CAMK2B: variants seen among roughly 807,000 people sequenced by gnomAD.
CAMK2B encodes the protein calcium/calmodulin-dependent protein kinase type II subunit beta.
CAMK2B carries 27 observed loss-of-function variants against 93.7 expected under a neutral mutation model. The observed-to-expected ratio is 0.29, with a 90% confidence interval of 0.21 to 0.40. The LOEUF (loss-of-function observed/expected upper bound fraction) is 0.40. Among genes scored for constraint, CAMK2B ranks in the 10% least tolerant of loss-of-function variants. The pLI is 1.00. For missense variants in CAMK2B, 568 were observed against 895.8 expected, an observed-to-expected ratio of 0.63 and a Z score of 4.67; for synonymous variants, 374 against 358.8, an observed-to-expected ratio of 1.04 and a Z score of -0.48.
chr7:44,232,976 G>C, intron 15 of CAMK2B, 110 bp from the exon 16 acceptor site: 1 of 940,606 alleles, frequency 1.1e-6, no homozygotes, highest in Non-Finnish European at 1.7e-6. Flanking sequence ...TGGGTGGCCA[G>C]AGCCTGCGAG....
At chr7:44,297,695 T>C (rs1788661018) in intron 1 of CAMK2B, among the ~76,000 whole-genome samples, 1 of 152,012 alleles carries the variant, frequency 6.6e-6, no homozygotes, top group South Asian at 2.1e-4. Context: ...CTATCAAAAT[T>C]CCAATGGCTT....
intron 2 of CAMK2B, among the ~76,000 whole-genome samples, chr7:44,274,188 C>T (rs1044511282): frequency 9.2e-5 from 14 of 152,122 alleles, no homozygotes; most frequent in Admixed American, 8.5e-4. Context: ...CACTCCACAC[C>T]GAGCTGGAGT....
chr7:44,261,434 G>A (rs773108239), intron 3 of CAMK2B, among the ~76,000 whole-genome samples: 7 of 152,206 alleles, frequency 4.6e-5, no homozygotes, highest in Non-Finnish European at 7.3e-5. Context: ...CCCTGGGGGC[G>A]CTGCAGGGCT....
intron 23 of CAMK2B, 143 bp downstream of exon 23, chr7:44,219,917 T>C: frequency 1.4e-6 from 1 of 696,400 alleles, no homozygotes; most frequent in South Asian, 1.9e-5. Flanking sequence ...ACATCATTCC[T>C]GTGGCCTCAC....
intron 2 of CAMK2B, among the ~76,000 whole-genome samples, chr7:44,270,980 A>G (rs2096969296): frequency 6.6e-6 from 1 of 152,038 alleles, no homozygotes. Context: ...GTACAGGGGC[A>G]TGATCTTGGT....
At position 44,252,771 on chromosome 7, in the gene CAMK2B, C is replaced by G. The variant is rs138275564; in HGVS notation, c.341+1771G>C. Among the ~76,000 whole-genome samples, 222 of 152,330 alleles carry G rather than the reference C, an allele frequency of 1.5e-3. 3 individuals carry two copies. In the East Asian group the frequency reaches 0.037, roughly 25 times the overall value. Reference sequence around the variant, plus strand: ...TGGCCAGCAGGCAGGCAGCAGCAGGCTCTGTGACATATCTCACCCCAGAAG... The same window carrying G: ...TGGCCAGCAGGCAGGCAGCAGCAGGGTCTGTGACATATCTCACCCCAGAAG... On this transcript the variant is annotated intron_variant, in intron 5 of 23. Coordinates refer to ENST00000395749, the MANE Select transcript of CAMK2B (RefSeq NM_001220.5).
At chr7:44,302,424 T>G (rs1790323432) in intron 1 of CAMK2B, among the ~76,000 whole-genome samples, 1 of 152,138 alleles carries the variant, frequency 6.6e-6, no homozygotes, top group Non-Finnish European at 1.5e-5. Context: ...ACCCTAATAC[T>G]AAAACCAGAC....
At chr7:44,314,040 A>G (rs1289776712) in intron 1 of CAMK2B, among the ~76,000 whole-genome samples, 1 of 151,930 alleles carries the variant, frequency 6.6e-6, no homozygotes, top group Non-Finnish European at 1.5e-5. Flanking sequence ...TTCTAAGCTC[A>G]CTTCTCAGCA....
chr7:44,227,793 T>TGTGGGGGACACAGGAGGGG (rs2096532257), intron 19 of CAMK2B, among the ~76,000 whole-genome samples: 1 of 28,818 alleles, frequency 3.5e-5, no homozygotes, highest in Non-Finnish European at 6.3e-5. Context: ...CAGAGGAGGG[T>TGTGGGGGACACAGGAGGGG]GTGGGGGACA....
intron 2 of CAMK2B, among the ~76,000 whole-genome samples, chr7:44,276,612 G>A (rs1562987704): frequency 6.6e-6 from 1 of 152,192 alleles, no homozygotes; most frequent in Non-Finnish European, 1.5e-5. Context: ...AAGGGTCCCT[G>A]GGGAGACCAG....
chr7:44,309,233 G>A (rs935032427), intron 1 of CAMK2B, among the ~76,000 whole-genome samples: 1 of 152,254 alleles, frequency 6.6e-6, no homozygotes, highest in African/African-American at 2.4e-5. Context: ...GGGACAAGGG[G>A]CAGTTCACAG....
chr7:44,280,177 GTC>G (rs1358973705), intron 2 of CAMK2B, among the ~76,000 whole-genome samples: 8 of 152,222 alleles, frequency 5.3e-5, no homozygotes, highest in Admixed American at 5.2e-4. Flanking sequence ...GAAGCCCTGG[GTC>G]TGACATGCCC....
intron 18 of CAMK2B, 70 bp from the exon 19 acceptor site, chr7:44,228,994 G>A (rs1433901036): frequency 6.8e-7 from 1 of 1,463,650 alleles, no homozygotes; most frequent in Non-Finnish European, 9.5e-7. Flanking sequence ...GGCGGAGGAG[G>A]CCAGTGGGAG....
intron 13 of CAMK2B, among the ~76,000 whole-genome samples, chr7:44,238,344 G>C (rs13437906): frequency 2.0e-5 from 3 of 152,066 alleles, no homozygotes; most frequent in Admixed American, 6.5e-5. Context: ...CGGGAGCCCC[G>C]GGCACAGGGC....
At chr7:44,268,783 G>C (rs1306890061) in intron 2 of CAMK2B, 3 of 152,282 alleles carry the variant, frequency 2.0e-5, no homozygotes, top group African/African-American at 7.2e-5. Flanking sequence ...GACAGGGCAG[G>C]GGCCACCTCA....
At chr7:44,319,731 G>T (rs1258757392) in intron 1 of CAMK2B, among the ~76,000 whole-genome samples, 1 of 152,166 alleles carries the variant, frequency 6.6e-6, no homozygotes, top group Admixed American at 6.5e-5. Context: ...CATCACACTT[G>T]CTAGAGGATG....
chr7:44,254,537 C>A lies in CAMK2B; in HGVS notation c.341+5G>T. ...GACAGGACAGCGTGAGGGCTCTGCA[C>A]CCACCTGGCATCAGCCTCGCTGTAG... On this transcript the variant is annotated splice_donor_5th_base_variant and intron_variant, in intron 5 of 23. Transcript: ENST00000395749. 6.2e-7 allele frequency: 1 copy of A among 1,608,420 alleles called. No homozygotes were observed. The highest frequency in any genetic ancestry group is 8.5e-7 in the Non-Finnish European group (1 of 1,175,364).
chr7:44,240,000 G>A (rs1437631678), intron 12 of CAMK2B, among the ~76,000 whole-genome samples: 1 of 152,194 alleles, frequency 6.6e-6, no homozygotes, highest in Non-Finnish European at 1.5e-5. Context: ...CACAGCAAAA[G>A]TAACAGGATG....
Position 44,217,888 on chromosome 7 carries a change from C to T in CAMK2B, c.*1637G>A, listed in dbSNP as rs2096359020. 3 of 152,256 alleles carry T rather than the reference C, an allele frequency of 2.0e-5. No homozygotes were observed. The highest frequency in any genetic ancestry group is 2.0e-4 in the Admixed American group (3 of 15,288). The allele number at this position is 152,256 out of a possible 1,614,324, so 9.4% of individuals were successfully genotyped here. A position where few individuals can be genotyped will look rare whatever the true frequency, so the allele number is the denominator to read the frequency against. ...GCTTCAGACCCACCCTGCAGCCCCA[C>T]CATGCTCGGGCTTGCCCTGTCCCCG... On this transcript the variant is annotated 3_prime_UTR_variant, in exon 24 of 24. Coordinates refer to ENST00000395749, the MANE Select transcript of CAMK2B (RefSeq NM_001220.5).
Sources: allele counts gnomAD v4.1 joint callset (sites outside exome capture counted in the v4.1 genomes callset), GRCh38; gene constraint gnomAD v4.1.1; transcripts MANE v1.5; gene names NCBI Gene and HGNC (gene_info 2026-07-23, HGNC 2026-07-21).